AIFM1: variants seen among roughly 807,000 people sequenced by gnomAD.
AIFM1 encodes the protein apoptosis inducing factor mitochondria associated 1.
Under a neutral mutation model 51.7 loss-of-function variants are expected in AIFM1, and 3 were observed. That is an observed-to-expected ratio of 0.06 (90% CI 0.03 to 0.15). The LOEUF (loss-of-function observed/expected upper bound fraction) is 0.15. Among genes scored for constraint, AIFM1 ranks in the 10% least tolerant of loss-of-function variants. The pLI, the probability that AIFM1 is intolerant of heterozygous loss-of-function variation, is 1.00. For missense variants in AIFM1, 330 were observed against 476.8 expected (o/e 0.69, Z 2.87); for synonymous variants, 178 against 179.4 (o/e 0.99, Z 0.06).
chrX:130,141,175 AAAC>A (rs1270127168), intron 6 of AIFM1, among the ~76,000 whole-genome samples: 2 of 111,981 alleles, frequency 1.8e-5, no homozygotes, highest in Non-Finnish European at 3.8e-5. Flanking sequence ...ACAAAAACAA[AAAC>A]AAAAAAAGTT....
At position 130,133,389 on chromosome X, in the gene AIFM1, C is replaced by T; in HGVS notation, c.1372G>A (p.Ala458Thr). ...CCAGCCAATCTTCCACTCACAACAGCGTGATCATGGTGCTCTACCCGCCTC... is the reference window on the plus strand; with the variant it reads ...CCAGCCAATCTTCCACTCACAACAGTGTGATCATGGTGCTCTACCCGCCTC... Reference protein sequence around the residue: ...GRRRVEHHDHAVVSGRLAGEN... With the variant: ...GRRRVEHHDHTVVSGRLAGEN... The change falls in exon 13 of 16, where the codon GCT (alanine) becomes ACT (threonine). Residue 458 changes from alanine (A) to threonine (T), a missense_variant. Around this residue, in one of 4 missense-constraint regions of AIFM1, gnomAD observed 152 missense variants for 292.8 expected, o/e 0.52. Transcript: ENST00000287295. The T allele has an allele frequency of 8.3e-7, 1 of 1,210,747 alleles. No homozygotes were observed. The highest frequency in any genetic ancestry group is 1.1e-6 in the Non-Finnish European group (1 of 895,154).
At chrX:130,135,439 T>TTA (rs33994471) in intron 12 of AIFM1, among the ~76,000 whole-genome samples, 23,608 of 73,757 alleles carry the variant, frequency 0.32, 4,623 homozygotes, top group African/African-American at 0.63. Context: ...TTTTTTTTTT[T>TTA]AAAAAAAAAA....
intron 5 of AIFM1, among the ~76,000 whole-genome samples, chrX:130,146,476 TG>T (rs1377290557): frequency 1.8e-5 from 2 of 108,145 alleles, no homozygotes; most frequent in African/African-American, 6.8e-5. Context: ...TGTGTGTGTG[TG>T]TGTGTGTGTG....
chrX:130,138,578 C>T lies in AIFM1; in HGVS notation c.967+15G>A, dbSNP rs769632650. On this transcript the variant is annotated intron_variant, in intron 9 of 15. Coordinates refer to ENST00000287295, the MANE Select transcript of AIFM1 (RefSeq NM_004208.4). ...GACTAGAGAAAGAAAATCAAGGTCA[C>T]TCCTCAATACTCACCCTTTCTGCCA... The T allele has an allele frequency of 8.7e-7, 1 of 1,143,719 alleles. No individual in the cohort carries two copies. Among genetic ancestry groups the T allele is most frequent in the South Asian group, 1.8e-5 (1 of 55,479 alleles). 94.3% of individuals were successfully genotyped at this position (1,143,719 alleles called of 1,213,427 possible).
chrX:130,131,031 C>T (rs185457868), intron 14 of AIFM1, among the ~76,000 whole-genome samples: 81 of 112,455 alleles, frequency 7.2e-4, no homozygotes, highest in Admixed American at 1.6e-3. Flanking sequence ...CCTTGAGACA[C>T]CTCTGGCAAA....
chrX:130,149,898 A>T (rs1259764583), intron 2 of AIFM1, among the ~76,000 whole-genome samples: 1 of 112,329 alleles, frequency 8.9e-6, no homozygotes, highest in Non-Finnish European at 1.9e-5. Context: ...AAAGTGCTAG[A>T]AAGGGCTAAT....
intron 2 of AIFM1, among the ~76,000 whole-genome samples, chrX:130,153,223 G>A (rs866128035): frequency 4.1e-4 from 43 of 103,938 alleles, no homozygotes; most frequent in African/African-American, 1.5e-3. Flanking sequence ...GGTGGCAGGC[G>A]CCTGTAGTCC....
intron 1 of AIFM1, among the ~76,000 whole-genome samples, chrX:130,158,276 AAG>A (rs2031236462): frequency 8.9e-6 from 1 of 112,100 alleles, no homozygotes; most frequent in South Asian, 3.7e-4. Context: ...AAGAAAAAAA[AAG>A]AGAAAAAGAA....
chrX:130,139,762 C>T (rs2030509166), intron 8 of AIFM1, 33 bp downstream of exon 8: 2 of 1,194,144 alleles, frequency 1.7e-6, no homozygotes, highest in Non-Finnish European at 2.3e-6. Context: ...TCTTCAAAAA[C>T]AACACAAGGA....
At chrX:130,141,282 G>GT (rs1322360281) in intron 6 of AIFM1, among the ~76,000 whole-genome samples, 1 of 111,841 alleles carries the variant, frequency 8.9e-6, no homozygotes, top group African/African-American at 3.2e-5. Flanking sequence ...CTGGTACCCA[G>GT]TTTTTTTAGG....
At chrX:130,163,029 A>G (rs1233884207) in intron 1 of AIFM1, among the ~76,000 whole-genome samples, 1 of 111,833 alleles carries the variant, frequency 8.9e-6, no homozygotes, top group Non-Finnish European at 1.9e-5. Flanking sequence ...GACAGATGTC[A>G]ACGAGATAGT....
intron 14 of AIFM1, among the ~76,000 whole-genome samples, chrX:130,130,380 G>A (rs1296178055): frequency 3.6e-5 from 4 of 111,554 alleles, no homozygotes; most frequent in African/African-American, 1.3e-4. Flanking sequence ...GCCAGCTCCT[G>A]GGCACAGGGT....
intron 7 of AIFM1, 149 bp from the exon 8 acceptor site, chrX:130,140,020 G>A: frequency 1.8e-6 from 1 of 543,015 alleles, no homozygotes; most frequent in South Asian, 2.5e-5. Flanking sequence ...TTTGCCTTCA[G>A]CTTGCCTCAC....
intron 9 of AIFM1, 116 bp from the exon 10 acceptor site, chrX:130,137,301 T>C: frequency 1.7e-6 from 2 of 1,190,269 alleles, no homozygotes; most frequent in East Asian, 3.0e-5. Context: ...AGAGCTGCAA[T>C]CCAGGCCGAG....
Position 130,147,561 on chromosome X carries a change from C to T in AIFM1, c.537G>A (p.Leu179=). The T allele has an allele frequency of 8.3e-7, 1 of 1,212,110 alleles. No individual in the cohort carries two copies. The highest frequency in any genetic ancestry group is 1.1e-6 in the Non-Finnish European group (1 of 895,546). ...TGACATTTGGGTCATCTGAAAACCA[C>T]AGTTCTTTTGAAAGAGGAGGTCGCA... is the stretch of plus-strand genomic sequence containing the variant. The part of the protein sequence containing the change: ...PYMRPPLSKE[L]WFSDDPNVTK... The change falls in exon 5 of 16, where the codon CTG becomes CTA. Residue 179 remains leucine (L), a synonymous_variant. Coordinates refer to ENST00000287295, the MANE Select transcript of AIFM1 (RefSeq NM_004208.4).
intron 2 of AIFM1, among the ~76,000 whole-genome samples, chrX:130,151,525 C>T (rs1030050528): frequency 5.4e-5 from 6 of 111,818 alleles, no homozygotes; most frequent in Non-Finnish European, 9.4e-5. Context: ...AACCTGAACC[C>T]TGAGAGCTGG....
intron 2 of AIFM1, among the ~76,000 whole-genome samples, chrX:130,150,326 CTTTTTTTTTTTTT>C (rs755785211): frequency 9.7e-5 from 6 of 61,649 alleles, no homozygotes; most frequent in African/African-American, 2.0e-4. Flanking sequence ...TTATTGGAGA[CTTTTTTTTTTTTT>C]TTTTTTTTTT....
chrX:130,136,871 C>A, intron 10 of AIFM1, 140 bp from the exon 11 acceptor site: 3 of 1,006,944 alleles, frequency 3.0e-6, no homozygotes, highest in Non-Finnish European at 4.1e-6. Context: ...CAAGAACCTA[C>A]ACCCATGGTT....
intron 1 of AIFM1, among the ~76,000 whole-genome samples, chrX:130,158,972 C>A (rs186189563): frequency 9.0e-6 from 1 of 111,199 alleles, no homozygotes; most frequent in East Asian, 2.8e-4. Context: ...CAATGTGGAT[C>A]TGTGGTCTCT....
Sources: gnomAD v4.1 joint callset for allele counts (sites outside exome capture counted in the v4.1 genomes callset) on GRCh38, gnomAD v4.1.1 for gene constraint, gnomAD v4.1.1 regional missense constraint, MANE v1.5 for transcripts, NCBI Gene and HGNC (gene_info 2026-07-23, HGNC 2026-07-21) for gene names.